GFOD2: variants seen among roughly 807,000 people sequenced by gnomAD.
The protein encoded by GFOD2 is Gfo/Idh/MocA-like oxidoreductase domain containing 2.
In GFOD2, 9 loss-of-function variants were observed where a neutral mutation model predicts 24.6. That is an observed-to-expected ratio of 0.37 (90% CI 0.22 to 0.64). GFOD2 has a LOEUF of 0.64. Ranked by LOEUF, GFOD2 falls within the 30% of genes least tolerant of loss-of-function variation. The pLI is 0.65. For missense variants in GFOD2, 476 were observed against 532.5 expected, an observed-to-expected ratio of 0.89 and a Z score of 1.04; for synonymous variants, 211 against 224.8, an observed-to-expected ratio of 0.94 and a Z score of 0.55.
intron 1 of GFOD2, among the ~76,000 whole-genome samples, chr16:67,696,441 T>A (rs943812124): frequency 1.3e-5 from 2 of 151,886 alleles, no homozygotes; most frequent in Non-Finnish European, 2.9e-5. Flanking sequence ...AAAATATATA[T>A]AAGTATCGGT....
Position 67,698,731 on chromosome 16 carries a change from G to A in GFOD2, c.-87-12929C>T, listed in dbSNP as rs553233760. Among the ~76,000 whole-genome samples the A allele has an allele frequency of 3.3e-4, 51 of 152,308 alleles. No individual in the cohort carries two copies. The South Asian group carries it at 5.0e-3, about 15-fold the overall frequency. On this transcript the variant is annotated intron_variant, in intron 1 of 2. Coordinates refer to ENST00000268797, the MANE Select transcript of GFOD2 (RefSeq NM_030819.4). ...TGACCTCTGGTGATCTGCCCACCTC[G>A]GCCTCCCGAAGTGTTGGGATTACAG...
At chr16:67,680,991 G>A (rs928329068) in intron 2 of GFOD2, 23 of 985,450 alleles carry the variant, frequency 2.3e-5, no homozygotes, top group South Asian at 4.7e-5. Flanking sequence ...GCCCTTGCAC[G>A]GGGCCCGGCA....
At chr16:67,682,871 A>T in intron 2 of GFOD2, 6 of 979,294 alleles carry the variant, frequency 6.1e-6, no homozygotes, top group Non-Finnish European at 6.1e-6. Flanking sequence ...TCAATCCTTC[A>T]TGTCCACCAG....
rs553071308 is a variant in GFOD2 at position 67,709,871 on chromosome 16, G to A, written c.-88+9292C>T. On this transcript the variant is annotated intron_variant, in intron 1 of 2. Transcript: ENST00000268797. ...TTCAACTCTTGTCCTCAAGTGATCC[G>A]CCCGTCTCAGCCTCCCAAAGTGTTG... Among the ~76,000 whole-genome samples, 42 of 152,154 alleles carry A rather than the reference G, an allele frequency of 2.8e-4. No homozygotes were observed. The South Asian group carries it at 7.0e-3, about 26-fold the overall frequency.
At chr16:67,690,587 G>A (rs2053304687) in intron 1 of GFOD2, among the ~76,000 whole-genome samples, 2 of 151,924 alleles carry the variant, frequency 1.3e-5, no homozygotes, top group African/African-American at 2.4e-5. Context: ...AGCCCCCCAG[G>A]TGATCCTAGT....
chr16:67,675,486 T>C lies in GFOD2; in HGVS notation c.827A>G (p.Gln276Arg), dbSNP rs760843991. 1 of 1,612,202 alleles carries C rather than the reference T, an allele frequency of 6.2e-7. No individual in the cohort carries two copies. The highest frequency in any genetic ancestry group is 8.5e-7 in the Non-Finnish European group (1 of 1,180,010). Residue 276 changes from glutamine to arginine, a missense_variant, in exon 3 of 3, where the codon CAA becomes CGA. Coordinates refer to ENST00000268797, the MANE Select transcript of GFOD2 (RefSeq NM_030819.4). ...DLYGQKNSAT[Q>R]EELLLRDSLA... ...CGAGTCCCTCAAGAGCAGCTCCTCT[T>C]GCGTGGCAGAGTTCTTCTGCCCATA...
chr16:67,681,242 G>A (rs1290585906), intron 2 of GFOD2: 13 of 985,300 alleles, frequency 1.3e-5, no homozygotes, highest in Admixed American at 1.2e-4. Flanking sequence ...ATAATGCCTC[G>A]CTGCTGGCGA....
intron 2 of GFOD2, 30 bp from the exon 3 acceptor site, chr16:67,676,083 A>G (rs2053183310): frequency 6.5e-7 from 1 of 1,546,302 alleles, no homozygotes; most frequent in Non-Finnish European, 8.8e-7. Context: ...GGAAATCTCA[A>G]AGTTTCAAGG....
chr16:67,716,436 T>C (rs910245269), intron 1 of GFOD2, among the ~76,000 whole-genome samples: 1 of 152,190 alleles, frequency 6.6e-6, no homozygotes, highest in Non-Finnish European at 1.5e-5. Flanking sequence ...TGAAAACAAG[T>C]GTTTTTCTGA....
At chr16:67,704,730 A>C (rs1345895291) in intron 1 of GFOD2, among the ~76,000 whole-genome samples, 1 of 152,244 alleles carries the variant, frequency 6.6e-6, no homozygotes, top group Non-Finnish European at 1.5e-5. Context: ...CACCTGACGC[A>C]GAGTTAGGCC....
chr16:67,674,851 G>C lies in GFOD2; in HGVS notation c.*304C>G. The stretch of plus-strand genomic sequence containing the variant: ...CTCACCCTGTTAGGACTGCGGATCA[G>C]GCTGAAGGGCTCCCCAGGGTGAGCC... On this transcript the variant is annotated 3_prime_UTR_variant, in exon 3 of 3. Transcript: ENST00000268797. 1 of 381,708 alleles carries C rather than the reference G, an allele frequency of 2.6e-6. No individual in the cohort carries two copies. The allele number at this position is 381,708 out of a possible 1,614,324, so 23.6% of individuals were successfully genotyped here.
At chr16:67,689,515 AC>A (rs2053295015) in intron 1 of GFOD2, among the ~76,000 whole-genome samples, 1 of 151,088 alleles carries the variant, frequency 6.6e-6, no homozygotes, top group Non-Finnish European at 1.5e-5. Context: ...TACTAAAAAT[AC>A]AAAAATTAGC....
At chr16:67,695,654 G>T (rs2142995596) in intron 1 of GFOD2, among the ~76,000 whole-genome samples, 1 of 150,802 alleles carries the variant, frequency 6.6e-6, no homozygotes, top group Non-Finnish European at 1.5e-5. Context: ...TCCTGTCTCA[G>T]CCTCCCGAGT....
chr16:67,686,283 C>T (rs968898324), intron 1 of GFOD2, among the ~76,000 whole-genome samples: 1 of 151,780 alleles, frequency 6.6e-6, no homozygotes, highest in African/African-American at 2.4e-5. Context: ...GACCTTGTCT[C>T]AAAAGAAAAA....
intron 1 of GFOD2, 38 bp from the exon 2 acceptor site, chr16:67,685,840 G>C: frequency 8.3e-7 from 1 of 1,201,806 alleles, no homozygotes; most frequent in Non-Finnish European, 1.2e-6. Context: ...TTACTGGAGA[G>C]GACACTCAGC....
chr16:67,716,717 T>A (rs1198887616), intron 1 of GFOD2, among the ~76,000 whole-genome samples: 1 of 152,202 alleles, frequency 6.6e-6, no homozygotes, highest in African/African-American at 2.4e-5. Flanking sequence ...CTGACAGAAT[T>A]TGGTTAACAG....
rs138436797 is a variant in GFOD2, at chr16:67,675,869, A to G, written c.444T>C (p.Cys148=). Residue 148 remains cysteine (C), a synonymous_variant, in exon 3 of 3, where the codon TGT becomes TGC. Transcript: ENST00000268797. ...GGCTGCCTGAGTAGATGCGGGCATC[A>G]CAGATCATCACCGCTCCCACATAGT... ...SEHYVGAVMI[C]DARIYSGSLL... is the part of the protein sequence containing the mutation. 2 of 1,614,204 alleles carry G rather than the reference A, an allele frequency of 1.2e-6. No individual in the cohort carries two copies. Among genetic ancestry groups the G allele is most frequent in the Non-Finnish European group, 1.7e-6 (2 of 1,180,040 alleles).
At chr16:67,686,406 A>G (rs1000084362) in intron 1 of GFOD2, among the ~76,000 whole-genome samples, 1 of 152,258 alleles carries the variant, frequency 6.6e-6, no homozygotes, top group Non-Finnish European at 1.5e-5. Flanking sequence ...CTGTTCTGCT[A>G]CTTAACTTTC....
rs748532880 is a variant in GFOD2, at chr16:67,675,547, A to C, written c.766T>G (p.Ser256Ala). Reference protein sequence around the residue: ...AFVHEVMVVGSAGRLVARGAD... With the variant: ...AFVHEVMVVGAAGRLVARGAD... ...CCCCGGGCGACGAGGCGTCCTGCAG[A>C]GCCTACCACCATGACTTCATGCACA... Residue 256 changes from serine to alanine, a missense_variant, in exon 3 of 3, where the codon TCT becomes GCT. Coordinates refer to ENST00000268797, the MANE Select transcript of GFOD2 (RefSeq NM_030819.4). 6.8e-6 allele frequency: 11 copies of C among 1,613,304 alleles called. No homozygotes were observed. Among genetic ancestry groups the C allele is most frequent in the Non-Finnish European group, 9.3e-6 (11 of 1,180,040 alleles).
Sources: gnomAD v4.1 joint callset for allele counts (sites outside exome capture counted in the v4.1 genomes callset) on GRCh38, gnomAD v4.1.1 for gene constraint, MANE v1.5 for transcripts, NCBI Gene and HGNC (gene_info 2026-07-23, HGNC 2026-07-21) for gene names.